Variants in TAX1BP1 observed in about 807,000 individuals in gnomAD.
TAX1BP1 encodes tax1-binding protein 1.
Under a neutral mutation model 97.7 loss-of-function variants are expected in TAX1BP1, and 62 were observed. That is an observed-to-expected ratio of 0.63 (90% CI 0.52 to 0.78). TAX1BP1 has a LOEUF of 0.78. TAX1BP1 is among the 30% of genes least tolerant of loss of function. The probability of loss-of-function intolerance (pLI) is 0.00; values close to 1 mark genes in which losing one functional copy is unlikely to be tolerated. For missense variants in TAX1BP1, 867 were observed against 916.1 expected (o/e 0.95, Z 0.69); for synonymous variants, 340 against 304.2 (o/e 1.12, Z -1.23).
intron 15 of TAX1BP1, among the ~76,000 whole-genome samples, chr7:27,821,655 T>A (rs923560874): frequency 4.6e-5 from 7 of 150,632 alleles, no homozygotes; most frequent in Non-Finnish European, 7.4e-5. Flanking sequence ...AAAAAAGTAG[T>A]TAATTTTTTG....
In TAX1BP1 at chr7:27,741,499, C is replaced by CT. The variant is rs575515207; in HGVS notation, c.-8+1245dup. ...GTTTTTGTTTTCTAGTCATCACGTT[C>CT]TTTTTTTTTTTTTTTCCTTGAGATG... On this transcript the variant is annotated intron_variant, in intron 1 of 16. Transcript: ENST00000396319. Among the ~76,000 whole-genome samples, 621 of 142,550 alleles carry CT rather than the reference C, an allele frequency of 4.4e-3. 2 individuals are homozygous for CT. Among genetic ancestry groups the CT allele is most frequent in the East Asian group, 0.012 (59 of 4,938 alleles). 93.5% of individuals were successfully genotyped at this position (142,550 alleles called of 152,430 possible).
In TAX1BP1 at chr7:27,748,562, A is replaced by C. The variant is rs1174585522; in HGVS notation, c.38A>C (p.Asn13Thr). 1.9e-6 allele frequency: 3 copies of C among 1,603,276 alleles called. No individual in the cohort carries two copies. The highest frequency in any genetic ancestry group is 2.6e-6 in the Non-Finnish European group (3 of 1,174,008). The change falls in exon 2 of 17, where the codon AAC (asparagine) becomes ACC (threonine). Residue 13 changes from asparagine to threonine, a missense_variant. Asn to Thr is a moderately conservative substitution (Grantham distance 65). Transcript: ENST00000396319. ...CAAGAAGTCCCATTGCAGACTTCCA[A>C]CTTTGCCCATGTCATCTTTCAAAAT... is the stretch of plus-strand genomic sequence containing the variant. ...SFQEVPLQTSNFAHVIFQNVA... is the reference protein window; with the variant it reads ...SFQEVPLQTSTFAHVIFQNVA...
chr7:27,821,820 C>T (rs573700354), intron 15 of TAX1BP1, among the ~76,000 whole-genome samples: 11 of 152,190 alleles, frequency 7.2e-5, no homozygotes, highest in African/African-American at 2.6e-4. Context: ...TAGCCTGTAG[C>T]GGTTAACCTC....
intron 13 of TAX1BP1, among the ~76,000 whole-genome samples, chr7:27,814,903 A>AT (rs1429272002): frequency 6.6e-6 from 1 of 151,860 alleles, no homozygotes; most frequent in Non-Finnish European, 1.5e-5. Flanking sequence ...CGGTTGACTA[A>AT]TTTTTTTGTA....
intron 2 of TAX1BP1, among the ~76,000 whole-genome samples, chr7:27,749,331 A>G (rs1458943593): frequency 6.6e-6 from 1 of 152,240 alleles, no homozygotes; most frequent in Admixed American, 6.5e-5. Context: ...GTGGAAAACC[A>G]AAACATAAGA....
At chr7:27,754,720 C>A (rs985581710) in intron 2 of TAX1BP1, among the ~76,000 whole-genome samples, 48 of 152,022 alleles carry the variant, frequency 3.2e-4, no homozygotes, top group Non-Finnish European at 3.5e-4. Context: ...CTACAGGCAC[C>A]CGCCACCACG....
chr7:27,803,195 A>G (rs1440862809), intron 13 of TAX1BP1: 14 of 1,516,998 alleles, frequency 9.2e-6, no homozygotes, highest in Non-Finnish European at 1.2e-5. Context: ...TGAGCAATGT[A>G]GTTAAACAAA....
intron 13 of TAX1BP1, among the ~76,000 whole-genome samples, chr7:27,801,370 C>A (rs185075464): frequency 1.4e-4 from 21 of 151,876 alleles, no homozygotes; most frequent in Admixed American, 1.3e-3. Context: ...AGATGTAGCA[C>A]ATTACAGGCT....
intron 3 of TAX1BP1, among the ~76,000 whole-genome samples, chr7:27,765,442 G>A (rs1468832291): frequency 3.3e-5 from 5 of 152,076 alleles, no homozygotes; most frequent in Non-Finnish European, 7.4e-5. Flanking sequence ...ATGTCAAATT[G>A]GAGGGAAGAT....
intron 15 of TAX1BP1, among the ~76,000 whole-genome samples, chr7:27,818,075 C>T (rs1233166028): frequency 5.3e-5 from 8 of 152,166 alleles, no homozygotes; most frequent in Non-Finnish European, 8.8e-5. Context: ...TGCTTTTTCA[C>T]ACCTTTACTT....
chr7:27,753,403 TC>T (rs1788094601), intron 2 of TAX1BP1, among the ~76,000 whole-genome samples: 1 of 152,272 alleles, frequency 6.6e-6, no homozygotes, highest in African/African-American at 2.4e-5. Flanking sequence ...TGAGTTTTGT[TC>T]CGTTTTGTGT....
intron 4 of TAX1BP1, among the ~76,000 whole-genome samples, chr7:27,766,237 GGTGTAACTCT>G (rs1562707574): frequency 6.6e-6 from 1 of 151,834 alleles, no homozygotes; most frequent in African/African-American, 2.4e-5. Context: ...TGGCTAACAC[GGTGTAACTCT>G]GTCTCTACTA....
At chr7:27,777,996 A>G (rs1789101893) in intron 5 of TAX1BP1, among the ~76,000 whole-genome samples, 1 of 152,228 alleles carries the variant, frequency 6.6e-6, no homozygotes, top group South Asian at 2.1e-4. Context: ...AGTCGCTATC[A>G]GGAGAAATGT....
At chr7:27,796,592 T>C (rs1433273704) in intron 12 of TAX1BP1, among the ~76,000 whole-genome samples, 3 of 152,242 alleles carry the variant, frequency 2.0e-5, no homozygotes, top group Admixed American at 2.0e-4. Flanking sequence ...CCAGGTGCGG[T>C]GGCTCACGCC....
chr7:27,758,007 G>A (rs117962264), intron 2 of TAX1BP1, 24 bp from the exon 3 acceptor site: 55,991 of 1,530,780 alleles, frequency 0.037, 1,208 homozygotes, highest in Non-Finnish European at 0.044. Context: ...TTATAAATCC[G>A]CCTTTTTTGT....
intron 2 of TAX1BP1, among the ~76,000 whole-genome samples, chr7:27,753,817 T>G (rs556833875): frequency 9.8e-5 from 15 of 152,326 alleles, no homozygotes; most frequent in Non-Finnish European, 1.8e-4. Flanking sequence ...TAAAATATCT[T>G]ATTGTACTAT....
chr7:27,754,009 C>T (rs1191885409), intron 2 of TAX1BP1, among the ~76,000 whole-genome samples: 1 of 152,070 alleles, frequency 6.6e-6, no homozygotes, highest in Non-Finnish European at 1.5e-5. Context: ...CTCACATCTC[C>T]GAGATACTTT....
chr7:27,742,687 C>G (rs997291196), intron 1 of TAX1BP1, among the ~76,000 whole-genome samples: 1 of 152,080 alleles, frequency 6.6e-6, no homozygotes, highest in Non-Finnish European at 1.5e-5. Flanking sequence ...AGGCTAGTGT[C>G]GAACTCCTGA....
chr7:27,804,840 T>C (rs1161028009), intron 13 of TAX1BP1, among the ~76,000 whole-genome samples: 1 of 152,238 alleles, frequency 6.6e-6, no homozygotes, highest in Non-Finnish European at 1.5e-5. Context: ...ATTCCATATA[T>C]GAAGCTCATA....
Sources: gnomAD v4.1 joint callset for allele counts (sites outside exome capture counted in the v4.1 genomes callset) on GRCh38, gnomAD v4.1.1 for gene constraint, MANE v1.5 for transcripts, NCBI Gene and HGNC (gene_info 2026-07-23, HGNC 2026-07-21) for gene names.